Variants in MAP3K2 observed in about 807,000 individuals in gnomAD.
MAP3K2 encodes the protein mitogen-activated protein kinase kinase kinase 2.
A neutral mutation model predicts 80.3 loss-of-function variants in MAP3K2; 24 were observed. The observed-to-expected ratio is 0.30, with a 90% CI of 0.22 to 0.42. The LOEUF (loss-of-function observed/expected upper bound fraction) is 0.42, where lower values mean the gene tolerates loss of function less well. MAP3K2 is among the 10% of genes least tolerant of loss of function. MAP3K2 has a pLI of 1.00. For synonymous variants in MAP3K2, 244 were observed against 253.7 expected, an observed-to-expected ratio of 0.96 and a Z score of 0.36; for missense variants, 608 against 750.1, an observed-to-expected ratio of 0.81 and a Z score of 2.21.
In MAP3K2 at chr2:127,299,050, A is replaced by G. The variant is rs1231031223; in HGVS notation, c.*8529T>C. The G allele has an allele frequency of 2.6e-5, 4 of 151,968 alleles. No homozygotes were observed. Among genetic ancestry groups the G allele is most frequent in the Non-Finnish European group, 5.9e-5 (4 of 67,990 alleles). The allele number at this position is 151,968 out of a possible 1,614,324, so 9.4% of individuals were successfully genotyped here. A position where few individuals can be genotyped will look rare whatever the true frequency, so the allele number is the denominator to read the frequency against. ...TTTACAAGCACAATTTTGAATGACAAACAAAATCAAAATGTGCATGAAATG... is the reference window on the plus strand; with the variant it reads ...TTTACAAGCACAATTTTGAATGACAGACAAAATCAAAATGTGCATGAAATG... On this transcript the variant is annotated 3_prime_UTR_variant, in exon 17 of 17. Coordinates refer to ENST00000682094, the MANE Select transcript of MAP3K2 (RefSeq NM_001371910.2).
intron 5 of MAP3K2, among the ~76,000 whole-genome samples, chr2:127,333,951 T>C (rs1686313528): frequency 6.6e-6 from 1 of 151,914 alleles, no homozygotes; most frequent in African/African-American, 2.4e-5. Context: ...ATACAAAAAT[T>C]ATCCGGGAGC....
At chr2:127,326,593 G>A in intron 8 of MAP3K2, 94 bp downstream of exon 8, 1 of 844,300 alleles carries the variant, frequency 1.2e-6, no homozygotes, top group Non-Finnish European at 1.7e-6. Context: ...TTAGAGAAGA[G>A]ATAATACACA....
chr2:127,377,475 G>A (rs569003195), intron 1 of MAP3K2, among the ~76,000 whole-genome samples: 57 of 151,758 alleles, frequency 3.8e-4, no homozygotes, highest in South Asian at 3.7e-3. Flanking sequence ...ATTCCAGTGC[G>A]TATAGTCATT....
chr2:127,346,960 T>G (rs1438133079), intron 1 of MAP3K2, among the ~76,000 whole-genome samples: 1 of 151,610 alleles, frequency 6.6e-6, no homozygotes, highest in African/African-American at 2.4e-5. Flanking sequence ...CACTGTACTC[T>G]AGCCCGCGCG....
intron 7 of MAP3K2, 107 bp from the exon 8 acceptor site, chr2:127,326,924 A>C: frequency 1.5e-6 from 1 of 670,938 alleles, no homozygotes; most frequent in East Asian, 3.0e-5. Context: ...TCAGCAAAAG[A>C]AAATTCAATT....
chr2:127,354,386 C>T (rs1251339809), intron 1 of MAP3K2, among the ~76,000 whole-genome samples: 1 of 151,232 alleles, frequency 6.6e-6, no homozygotes, highest in African/African-American at 2.4e-5. Flanking sequence ...GCCAAATATA[C>T]TTCCTGATTT....
intron 1 of MAP3K2, among the ~76,000 whole-genome samples, chr2:127,365,221 C>A (rs1011082422): frequency 7.0e-6 from 1 of 141,912 alleles, no homozygotes; most frequent in African/African-American, 2.6e-5. Flanking sequence ...TTCATCCTTA[C>A]AACAATCCCA....
rs1685794762 is a variant in MAP3K2, at chr2:127,310,777, T to G, written c.1457-2015A>C. Reference sequence around the variant, plus strand: ...TTATAAATCTAGTTTCCGTCTTTTATAAATCATTTCTCTTCTCATTTTTTT... The same window carrying G: ...TTATAAATCTAGTTTCCGTCTTTTAGAAATCATTTCTCTTCTCATTTTTTT... On this transcript the variant is annotated intron_variant, in intron 15 of 16. Coordinates refer to ENST00000682094, the MANE Select transcript of MAP3K2 (RefSeq NM_001371910.2). This position sits in a 1 kb window ranked among gnomAD's most constrained non-coding sequence, Gnocchi z 4.8. Among the ~76,000 whole-genome samples, 1 of 152,168 alleles carries G rather than the reference T, an allele frequency of 6.6e-6. No homozygotes were observed. The highest frequency in any genetic ancestry group is 2.1e-4 in the South Asian group (1 of 4,832).
chr2:127,341,555 C>CA (rs1438171342), intron 2 of MAP3K2, among the ~76,000 whole-genome samples: 2 of 97,346 alleles, frequency 2.1e-5, no homozygotes, highest in East Asian at 3.2e-4. Flanking sequence ...TTTTTTGAGA[C>CA]AGAGTCTTGC....
chr2:127,387,551 A>C lies in MAP3K2; in HGVS notation c.-165T>G. 4.1e-6 allele frequency: 4 copies of C among 984,778 alleles called. No individual in the cohort carries two copies. Among genetic ancestry groups the C allele is most frequent in the Non-Finnish European group, 4.8e-6 (4 of 829,670 alleles). 61.0% of individuals were successfully genotyped at this position (984,778 alleles called of 1,614,324 possible). ...CAGCGCGGCCTGTCACCGCGGCCCC[A>C]GGTCGGGGGCTGCCGCAGGGCCCCC... On this transcript the variant is annotated 5_prime_UTR_variant, in exon 1 of 17. Transcript: ENST00000682094.
chr2:127,375,530 C>A (rs1398722752), intron 1 of MAP3K2, among the ~76,000 whole-genome samples: 1 of 151,972 alleles, frequency 6.6e-6, no homozygotes, highest in Non-Finnish European at 1.5e-5. Flanking sequence ...CTGCCTCAGC[C>A]TCCCAAGTAG....
rs549110311 is a variant in MAP3K2, at chr2:127,322,899, A to AC, written c.839-648_839-647insG. Among the ~76,000 whole-genome samples, 276 of 150,584 alleles carry AC rather than the reference A, an allele frequency of 1.8e-3. 2 individuals carry two copies. Among genetic ancestry groups the AC allele is most frequent in the Non-Finnish European group, 2.5e-3 (167 of 67,634 alleles). Reference sequence around the variant, plus strand: ...CATGAGCCACCGCACCTGGCCAGTAATTTTTTTTCTTAAAGGGATGATGTA... The same window carrying AC: ...CATGAGCCACCGCACCTGGCCAGTAACTTTTTTTTCTTAAAGGGATGATGTA... On this transcript the variant is annotated intron_variant, in intron 11 of 16. Transcript: ENST00000682094. The surrounding 1 kb of genome is among the most constrained non-coding windows in gnomAD (Gnocchi z 4.2).
At chr2:127,378,898 T>C (rs1242502985) in intron 1 of MAP3K2, among the ~76,000 whole-genome samples, 2 of 151,604 alleles carry the variant, frequency 1.3e-5, no homozygotes, top group Non-Finnish European at 2.9e-5. Context: ...TTTTGAGTAA[T>C]CCTCCCACCT....
chr2:127,375,410 A>AT (rs775598052), intron 1 of MAP3K2, among the ~76,000 whole-genome samples: 2,925 of 126,324 alleles, frequency 0.023, 111 homozygotes, highest in African/African-American at 0.072. Context: ...TTATTTATTT[A>AT]TTTATTTATT....
At chr2:127,365,916 T>C (rs1686962945) in intron 1 of MAP3K2, among the ~76,000 whole-genome samples, 1 of 152,230 alleles carries the variant, frequency 6.6e-6, no homozygotes, top group African/African-American at 2.4e-5. Flanking sequence ...GTTTTCTTGA[T>C]TGAGCCCTTA....
At chr2:127,347,410 T>C (rs1257690390) in intron 1 of MAP3K2, among the ~76,000 whole-genome samples, 1 of 152,080 alleles carries the variant, frequency 6.6e-6, no homozygotes, top group Non-Finnish European at 1.5e-5. Flanking sequence ...AAGGTCAACA[T>C]TCAAAAATCA....
At chr2:127,372,753 A>G (rs1687087404) in intron 1 of MAP3K2, among the ~76,000 whole-genome samples, 2 of 152,282 alleles carry the variant, frequency 1.3e-5, no homozygotes, top group South Asian at 4.1e-4. Context: ...TGGGTAGAAT[A>G]GTGATCTTTA....
At chr2:127,337,920 T>C in intron 3 of MAP3K2, 142 bp from the exon 4 acceptor site, 1 of 537,360 alleles carries the variant, frequency 1.9e-6, no homozygotes, top group Non-Finnish European at 3.3e-6. Flanking sequence ...TTTGAAGTTC[T>C]GTACCAGCTC....
upstream of MAP3K2, chr2:127,388,031 C>T (rs1275572507): frequency 2.0e-6 from 2 of 983,538 alleles, no homozygotes; most frequent in African/African-American, 1.8e-5. Context: ...CGCACCCCTC[C>T]GCCCGGCGGT....
Sources: gnomAD v4.1 joint callset for allele counts (sites outside exome capture counted in the v4.1 genomes callset) on GRCh38, gnomAD v4.1.1 for gene constraint, Gnocchi (gnomAD v3.1) non-coding constraint, MANE v1.5 for transcripts, NCBI Gene and HGNC (gene_info 2026-07-23, HGNC 2026-07-21) for gene names.